NSUN6: variants seen among roughly 807,000 people sequenced by gnomAD.
The protein encoded by NSUN6 is tRNA (cytosine(72)-C(5))-methyltransferase NSUN6.
In NSUN6, 64 loss-of-function variants were observed where a neutral mutation model predicts 58.0. The ratio of observed to expected loss-of-function variants is 1.10; its 90% CI spans 0.90 to 1.36. The LOEUF (loss-of-function observed/expected upper bound fraction) is 1.36. Among genes scored for constraint, NSUN6 ranks in the 40% most tolerant of loss-of-function variants. The pLI, the probability that NSUN6 is intolerant of heterozygous loss-of-function variation, is 0.00. For synonymous variants in NSUN6, 231 were observed against 193.9 expected, an observed-to-expected ratio of 1.19 and a Z score of -1.59; for missense variants, 701 against 550.1, an observed-to-expected ratio of 1.27 and a Z score of -2.74.
At position 18,599,960 on chromosome 10, in the gene NSUN6, T is replaced by C. The variant is rs576069345; in HGVS notation, c.658-3633A>G. On this transcript the variant is annotated intron_variant, in intron 6 of 10. Coordinates refer to ENST00000377304, the MANE Select transcript of NSUN6 (RefSeq NM_182543.5). ...CAATTTAAAAGTTTCCTTTTTGATTTTGGAAAACCAAATAATATAGTACAG... is the reference window on the plus strand; with the variant it reads ...CAATTTAAAAGTTTCCTTTTTGATTCTGGAAAACCAAATAATATAGTACAG... Among the ~76,000 whole-genome samples, 3 of 152,348 alleles carry C rather than the reference T, an allele frequency of 2.0e-5. No individual in the cohort carries two copies. The South Asian group carries it at 6.2e-4, about 32-fold the overall frequency.
At chr10:18,561,911 A>AAATGGAGAATGGAATGAATGG in intron 8 of NSUN6, among the ~76,000 whole-genome samples, 1 of 149,688 alleles carries the variant, frequency 6.7e-6, no homozygotes, top group African/African-American at 2.5e-5. Flanking sequence ...CAATGGAAAG[A>AAATGGAGAATGGAATGAATGG]AATGGAGAAT....
At chr10:18,639,643 T>A (rs1422469140) in intron 3 of NSUN6, among the ~76,000 whole-genome samples, 1 of 149,204 alleles carries the variant, frequency 6.7e-6, no homozygotes, top group Non-Finnish European at 1.5e-5. Flanking sequence ...TAGCTCACCA[T>A]TTGTATTTAT....
intron 3 of NSUN6, among the ~76,000 whole-genome samples, chr10:18,633,333 C>G (rs927159851): frequency 1.1e-4 from 16 of 151,112 alleles, no homozygotes; most frequent in Non-Finnish European, 1.9e-4. Flanking sequence ...TTGGTGGGTG[C>G]AGCGCACCAG....
At chr10:18,592,354 G>A (rs2057409277) in intron 7 of NSUN6, among the ~76,000 whole-genome samples, 2 of 152,050 alleles carry the variant, frequency 1.3e-5, no homozygotes, top group South Asian at 4.2e-4. Context: ...TTTCTTAGCA[G>A]AATTAGAAAA....
At chr10:18,633,420 A>T (rs1227139887) in intron 3 of NSUN6, among the ~76,000 whole-genome samples, 20 of 152,006 alleles carry the variant, frequency 1.3e-4, no homozygotes, top group Non-Finnish European at 1.0e-4. Context: ...TAATAATAAT[A>T]AATTAATTAA....
At chr10:18,657,982 GAAA>G (rs35623248), upstream of NSUN6, among the ~76,000 whole-genome samples, 1 of 141,156 alleles carries the variant, frequency 7.1e-6, no homozygotes. Flanking sequence ...CCGAAAGCCA[GAAA>G]AAAAAAAAAA....
chr10:18,630,885 C>T (rs2059006926), intron 3 of NSUN6, among the ~76,000 whole-genome samples: 1 of 152,036 alleles, frequency 6.6e-6, no homozygotes, highest in South Asian at 2.1e-4. Context: ...AAGAGGGAAT[C>T]CTCCCTAACT....
At chr10:18,590,918 G>T (rs943686058) in intron 7 of NSUN6, among the ~76,000 whole-genome samples, 1 of 151,962 alleles carries the variant, frequency 6.6e-6, no homozygotes, top group Non-Finnish European at 1.5e-5. Context: ...AGGGGACAGA[G>T]ACACAAAAAA....
At chr10:18,593,253 T>C (rs1235569039) in intron 7 of NSUN6, among the ~76,000 whole-genome samples, 3 of 152,184 alleles carry the variant, frequency 2.0e-5, no homozygotes, top group Non-Finnish European at 4.4e-5. Flanking sequence ...CTTTACACTG[T>C]TGGTGGGAGT....
At chr10:18,614,300 AAAC>A (rs1390368053) in intron 5 of NSUN6, among the ~76,000 whole-genome samples, 157 bp downstream of exon 5, 1 of 151,902 alleles carries the variant, frequency 6.6e-6, no homozygotes, top group Non-Finnish European at 1.5e-5. Context: ...CTTTTTGACC[AAAC>A]ATCATGGAAA....
chr10:18,640,383 A>C (rs1215254468), intron 3 of NSUN6, among the ~76,000 whole-genome samples: 1 of 152,198 alleles, frequency 6.6e-6, no homozygotes. Flanking sequence ...ATAAAGAAAA[A>C]CCTAATTTAA....
At chr10:18,649,033 G>A (rs1374132683) in intron 1 of NSUN6, among the ~76,000 whole-genome samples, 4 of 152,082 alleles carry the variant, frequency 2.6e-5, no homozygotes, top group Non-Finnish European at 5.9e-5. Context: ...TTAGTTGGAC[G>A]TTAGCTAATT....
At chr10:18,621,779 G>A (rs1176923719) in intron 3 of NSUN6, among the ~76,000 whole-genome samples, 1 of 152,106 alleles carries the variant, frequency 6.6e-6, no homozygotes, top group Non-Finnish European at 1.5e-5. Context: ...GTCCTGTTAA[G>A]GAATCTAAAA....
At chr10:18,563,116 T>C (rs370899093) in intron 8 of NSUN6, among the ~76,000 whole-genome samples, 1 of 143,600 alleles carries the variant, frequency 7.0e-6, no homozygotes, top group Admixed American at 7.0e-5. Flanking sequence ...GAGAATGGAG[T>C]AGAATAGAAT....
intron 8 of NSUN6, among the ~76,000 whole-genome samples, chr10:18,574,438 G>A (rs1198771811): frequency 2.0e-5 from 3 of 151,812 alleles, no homozygotes; most frequent in Non-Finnish European, 4.4e-5. Context: ...ATCTAAGGAG[G>A]GAACACACGT....
chr10:18,638,326 C>G (rs1462176839), intron 3 of NSUN6, among the ~76,000 whole-genome samples: 1 of 152,096 alleles, frequency 6.6e-6, no homozygotes, highest in Non-Finnish European at 1.5e-5. Flanking sequence ...CCTGTAATCT[C>G]AACTACTCGG....
chr10:18,576,387 C>G (rs564146724), intron 8 of NSUN6, among the ~76,000 whole-genome samples: 4 of 149,548 alleles, frequency 2.7e-5, no homozygotes, highest in Non-Finnish European at 4.4e-5. Flanking sequence ...TTTCAATAGA[C>G]CCCAGTGTCA....
chr10:18,656,461 C>T (rs1336776133), upstream of NSUN6, among the ~76,000 whole-genome samples: 2 of 151,992 alleles, frequency 1.3e-5, no homozygotes, highest in African/African-American at 4.8e-5. Flanking sequence ...TGCTTGAACC[C>T]GGGAGGCAGA....
intron 8 of NSUN6, among the ~76,000 whole-genome samples, chr10:18,583,194 A>G (rs542095688): frequency 6.6e-6 from 1 of 152,324 alleles, no homozygotes; most frequent in East Asian, 1.9e-4. Context: ...AATAAGTCTT[A>G]GGATCTCTCC....
Sources: allele counts gnomAD v4.1 joint callset (sites outside exome capture counted in the v4.1 genomes callset), GRCh38; gene constraint gnomAD v4.1.1; transcripts MANE v1.5; gene names NCBI Gene and HGNC (gene_info 2026-07-23, HGNC 2026-07-21).